The following MYO18A variants were observed in gnomAD, a reference collection of about 807,000 sequenced individuals.
MYO18A encodes the protein unconventional myosin-XVIIIa.
MYO18A carries 78 observed loss-of-function variants against 235.8 expected under a neutral mutation model. The ratio of observed to expected loss-of-function variants is 0.33; its 90% confidence interval spans 0.28 to 0.40. The LOEUF is 0.40. Ranked by LOEUF, MYO18A falls within the 10% of genes least tolerant of loss-of-function variation. The probability of loss-of-function intolerance (pLI) is 1.00; values close to 1 mark genes in which losing one functional copy is unlikely to be tolerated. For synonymous variants in MYO18A, 977 were observed against 1,077.8 expected (o/e 0.91, Z 1.83); for missense variants, 2,215 against 2,699.3 (o/e 0.82, Z 3.98).
chr17:29,084,270 C>T (rs2066196428), intron 40 of MYO18A, among the ~76,000 whole-genome samples: 1 of 152,190 alleles, frequency 6.6e-6, no homozygotes, highest in Non-Finnish European at 1.5e-5. Flanking sequence ...CGCATTTTAT[C>T]AGCCCTTGAA....
chr17:29,102,207 G>A (rs2066670881), intron 21 of MYO18A, among the ~76,000 whole-genome samples: 1 of 152,254 alleles, frequency 6.6e-6, no homozygotes, highest in African/African-American at 2.4e-5. Context: ...GTCTGAGATG[G>A]CAGCTGGGAA....
Position 29,086,917 on chromosome 17 carries a change from G to C in MYO18A, c.5712+19C>G. On this transcript the variant is annotated intron_variant, in intron 38 of 41. Coordinates refer to ENST00000527372, the MANE Select transcript of MYO18A (RefSeq NM_078471.4). ...CAAGGGGCTGCCATGTGGGCCCCGT[G>C]GGGGACAGGGGGCATTACCAGTTCG... 6.2e-7 allele frequency: 1 copy of C among 1,604,284 alleles called. No individual in the cohort carries two copies. Among genetic ancestry groups the C allele is most frequent in the Non-Finnish European group, 8.5e-7 (1 of 1,174,874 alleles).
chr17:29,111,488 G>A lies in MYO18A; in HGVS notation c.2836C>T (p.Leu946=). Residue 946 remains leucine, a synonymous_variant, in exon 17 of 42, where the codon CTG becomes TTG. Coordinates refer to ENST00000527372, the MANE Select transcript of MYO18A (RefSeq NM_078471.4). This position sits in a 1 kb window ranked among gnomAD's most constrained non-coding sequence, Gnocchi z 5.1. ...NWVEYNVTGW[L]NYTKQNPATQ... ...GCTGGGTTCTGCTTGGTGTAGTTCA[G>A]CCAGCCAGTCACATTGTACTCTACC... The A allele has an allele frequency of 6.2e-7, 1 of 1,612,080 alleles. No homozygotes were observed. The highest frequency in any genetic ancestry group is 8.5e-7 in the Non-Finnish European group (1 of 1,178,982).
At chr17:29,173,545 G>A (rs536379762) in intron 1 of MYO18A, among the ~76,000 whole-genome samples, 9 of 150,974 alleles carry the variant, frequency 6.0e-5, no homozygotes, top group Admixed American at 1.3e-4. Flanking sequence ...CCGCCACCGC[G>A]CCTGGCTAAT....
chr17:29,159,241 C>A (rs902580), intron 2 of MYO18A, among the ~76,000 whole-genome samples: 93,077 of 151,752 alleles, frequency 0.61, 29,516 homozygotes, highest in East Asian at 0.88. Flanking sequence ...TGACAGTCCC[C>A]TGCATCCCAC....
At chr17:29,088,902 G>C (rs998103395) in intron 37 of MYO18A, among the ~76,000 whole-genome samples, 23 of 152,188 alleles carry the variant, frequency 1.5e-4, no homozygotes, top group African/African-American at 4.1e-4. Flanking sequence ...GCCAGGCATG[G>C]TGGCACATGC....
intron 1 of MYO18A, among the ~76,000 whole-genome samples, chr17:29,173,047 G>A (rs955588806): frequency 1.3e-5 from 2 of 151,750 alleles, no homozygotes; most frequent in Non-Finnish European, 2.9e-5. Flanking sequence ...AGTCTTGGTG[G>A]AAACACAAAT....
At chr17:29,152,537 A>C (rs1276418903) in intron 2 of MYO18A, among the ~76,000 whole-genome samples, 1 of 152,170 alleles carries the variant, frequency 6.6e-6, no homozygotes, top group Non-Finnish European at 1.5e-5. Flanking sequence ...TCTCTACCTG[A>C]AAGGCACTTT....
intron 17 of MYO18A, among the ~76,000 whole-genome samples, chr17:29,110,967 G>A (rs563240097): frequency 1.3e-5 from 2 of 152,234 alleles, no homozygotes; most frequent in African/African-American, 4.8e-5. Flanking sequence ...TCTAACATAC[G>A]ATATAATTTA....
chr17:29,159,395 C>T lies in MYO18A; in HGVS notation c.999+6547G>A, dbSNP rs1598390177. Among the ~76,000 whole-genome samples, 3 of 152,030 alleles carry T rather than the reference C, an allele frequency of 2.0e-5. No homozygotes were observed. In the South Asian group the frequency reaches 6.2e-4, roughly 32 times the overall value. Reference sequence around the variant, plus strand: ...CCCTCAAGCCAGGATTCTCACATGGCGAGACTCAGATGCCAGGGGTGCCTG... The same window carrying T: ...CCCTCAAGCCAGGATTCTCACATGGTGAGACTCAGATGCCAGGGGTGCCTG... On this transcript the variant is annotated intron_variant, in intron 2 of 41. Transcript: ENST00000527372.
chr17:29,118,321 G>A lies in MYO18A; in HGVS notation c.1893+56C>T. The A allele has an allele frequency of 1.9e-6, 3 of 1,574,178 alleles. No individual in the cohort carries two copies. The highest frequency in any genetic ancestry group is 2.3e-5 in the East Asian group (1 of 43,464). On this transcript the variant is annotated intron_variant, in intron 9 of 41. Coordinates refer to ENST00000527372, the MANE Select transcript of MYO18A (RefSeq NM_078471.4). The surrounding 1 kb of genome is among the most constrained non-coding windows in gnomAD (Gnocchi z 4.2). ...CACTATTCCCACAGGACCCATGGAGGCTTCTCCTACCCCCAAGGCCCAGGG... is the reference window on the plus strand; with the variant it reads ...CACTATTCCCACAGGACCCATGGAGACTTCTCCTACCCCCAAGGCCCAGGG...
At position 29,180,132 on chromosome 17, in the gene MYO18A, A is replaced by T. The variant is rs1348666949; in HGVS notation, c.-82+181T>A. On this transcript the variant is annotated intron_variant, in intron 1 of 41. Transcript: ENST00000527372. The surrounding 1 kb of genome is among the most constrained non-coding windows in gnomAD (Gnocchi z 6.1). Reference sequence around the variant, plus strand: ...CCCCCACCCCCGGGCGTCGAGCTCCACGGCGCCGCCAGGGACGGGAGCCGG... The same window carrying T: ...CCCCCACCCCCGGGCGTCGAGCTCCTCGGCGCCGCCAGGGACGGGAGCCGG... 6.6e-6 allele frequency among the ~76,000 whole-genome samples: 1 copy of T among 151,392 alleles called. No individual in the cohort carries two copies. Among genetic ancestry groups the T allele is most frequent in the Non-Finnish European group, 1.5e-5 (1 of 67,756 alleles).
Position 29,166,780 on chromosome 17 carries a change from C to A in MYO18A, c.161G>T (p.Arg54Leu). ...GFFNLNRSSK[R>L]ESKTRLEISN... is the part of the protein sequence containing the mutation. ...GATTTCCAGGCGCGTCTTGGATTCA[C>A]GCTTGGAGGAGCGGTTCAGGTTGAA... is the stretch of plus-strand genomic sequence containing the variant. The change falls in exon 2 of 42, where the codon CGT becomes CTT. Residue 54 changes from arginine (R) to leucine (L), a missense_variant. Transcript: ENST00000527372. The A allele has an allele frequency of 1.2e-6, 2 of 1,612,610 alleles. No individual in the cohort carries two copies. The highest frequency in any genetic ancestry group is 8.5e-7 in the Non-Finnish European group (1 of 1,179,374).
intron 41 of MYO18A, among the ~76,000 whole-genome samples, chr17:29,081,403 C>T (rs2066119972): frequency 6.6e-6 from 1 of 151,966 alleles, no homozygotes; most frequent in South Asian, 2.1e-4. Context: ...GTTGTTTGGC[C>T]GAATAAATTA....
At position 29,166,911 on chromosome 17, in the gene MYO18A, G is replaced by C; in HGVS notation, c.30C>G (p.Asp10Glu). Residue 10 changes from aspartate (D) to glutamate (E), a missense_variant, in exon 2 of 42, where the codon GAC becomes GAG. Coordinates refer to ENST00000527372, the MANE Select transcript of MYO18A (RefSeq NM_078471.4). The part of the protein sequence containing the change: MFNLMKKDK[D>E]KDGGRKEKKE... Reference sequence around the variant, plus strand: ...TCTTCTCCTTCCGCCCGCCATCTTTGTCCTTGTCTTTCTTCATTAGGTTAA... The same window carrying C: ...TCTTCTCCTTCCGCCCGCCATCTTTCTCCTTGTCTTTCTTCATTAGGTTAA... The C allele has an allele frequency of 1.3e-6, 2 of 1,548,172 alleles. No individual in the cohort carries two copies. Among genetic ancestry groups the C allele is most frequent in the Non-Finnish European group, 1.7e-6 (2 of 1,144,646 alleles).
intron 27 of MYO18A, 93 bp downstream of exon 27, chr17:29,097,130 C>G: frequency 6.5e-7 from 1 of 1,540,868 alleles, no homozygotes; most frequent in Non-Finnish European, 8.7e-7. Flanking sequence ...TCCAGCCAGG[C>G]CTGCCTGCCC....
At chr17:29,090,967 G>C (rs774017416) in intron 34 of MYO18A, 41 bp from the exon 35 acceptor site, 2 of 1,532,350 alleles carry the variant, frequency 1.3e-6, no homozygotes, top group Admixed American at 3.4e-5. Context: ...CTCAGGCCCA[G>C]TGTGCCTGTG....
chr17:29,074,362 C>T lies in MYO18A; in HGVS notation c.*408G>A. 1.4e-6 allele frequency: 1 copy of T among 698,306 alleles called. No individual in the cohort carries two copies. The allele number at this position is 698,306 out of a possible 1,614,324, so 43.3% of individuals were successfully genotyped here. On this transcript the variant is annotated 3_prime_UTR_variant, in exon 42 of 42. Coordinates refer to ENST00000527372, the MANE Select transcript of MYO18A (RefSeq NM_078471.4). This position sits in a 1 kb window ranked among gnomAD's most constrained non-coding sequence, Gnocchi z 4.4. ...CCACACGAGAGGGAAGGCACTGCTT[C>T]TCCTCCCCCAATCCTCCCCATGGAC...
In MYO18A at chr17:29,090,845, C is replaced by T. The variant is rs1385930078; in HGVS notation, c.5269G>A (p.Glu1757Lys). Reference protein sequence around the residue: ...RLEEDQEDMNELMKKHKAAVA... With the variant: ...RLEEDQEDMNKLMKKHKAAVA... ...GCAGCCTTGTGCTTCTTCATCAATT[C>T]GTTCATGTCTTCCTGATCTTCCTCC... is the stretch of plus-strand genomic sequence containing the variant. Residue 1757 changes from glutamate (E) to lysine (K), a missense_variant, in exon 35 of 42, where the codon GAA becomes AAA. Coordinates refer to ENST00000527372, the MANE Select transcript of MYO18A (RefSeq NM_078471.4). The T allele has an allele frequency of 5.0e-6, 8 of 1,614,072 alleles. No individual in the cohort carries two copies. Among genetic ancestry groups the T allele is most frequent in the East Asian group, 4.5e-5 (2 of 44,884 alleles).
Sources: gnomAD v4.1 joint callset for allele counts (sites outside exome capture counted in the v4.1 genomes callset) on GRCh38, gnomAD v4.1.1 for gene constraint, Gnocchi (gnomAD v3.1) non-coding constraint, MANE v1.5 for transcripts, NCBI Gene and HGNC (gene_info 2026-07-23, HGNC 2026-07-21) for gene names.